Variants in PKHD1L1 observed in about 807,000 individuals in gnomAD.
PKHD1L1 encodes fibrocystin-L.
In PKHD1L1, 434 loss-of-function variants were observed where a neutral mutation model predicts 462.9. The observed-to-expected ratio is 0.94, with a 90% confidence interval of 0.87 to 1.02. PKHD1L1 has a LOEUF of 1.02. PKHD1L1 is among the 50% of genes least tolerant of loss of function. The pLI, the probability that PKHD1L1 is intolerant of heterozygous loss-of-function variation, is 0.00. For synonymous variants in PKHD1L1, 1,781 were observed against 1,750.0 expected (o/e 1.02, Z -0.44); for missense variants, 5,202 against 5,096.1 (o/e 1.02, Z -0.63).
At chr8:109,429,126 T>C (rs974380524) in intron 25 of PKHD1L1, among the ~76,000 whole-genome samples, 1 of 152,184 alleles carries the variant, frequency 6.6e-6, no homozygotes, top group African/African-American at 2.4e-5. Flanking sequence ...CAATGTATGA[T>C]AATGCAATGG....
intron 12 of PKHD1L1, among the ~76,000 whole-genome samples, chr8:109,399,829 A>T (rs1813179067): frequency 6.6e-6 from 1 of 152,138 alleles, no homozygotes; most frequent in Admixed American, 6.6e-5. Context: ...ACCCATGCAA[A>T]TATTATTATT....
In PKHD1L1 at chr8:109,480,285, G is replaced by A. The variant is rs528515624; in HGVS notation, c.9327+146G>A. On this transcript the variant is annotated intron_variant, in intron 55 of 77. Transcript: ENST00000378402. The stretch of plus-strand genomic sequence containing the variant: ...CCCATTAAATGCAAGTCTCAGTTAA[G>A]TCCAATATATTTCTGTTCTCCTTTA... The A allele has an allele frequency of 9.2e-4, 764 of 827,788 alleles. 5 individuals are homozygous for A. The highest frequency in any genetic ancestry group is 3.3e-3 in the Middle Eastern group (9 of 2,728). 51.3% of individuals were successfully genotyped at this position (827,788 alleles called of 1,614,324 possible).
In PKHD1L1 at chr8:109,535,169, T is replaced by C. The variant is rs1821120222; in HGVS notation, c.*5079T>C. On this transcript the variant is annotated 3_prime_UTR_variant, in exon 78 of 78. Transcript: ENST00000378402. ...CACCCAGTTATAGACTGAGTAATTA[T>C]AGTTGCTATGGTAATGGGCTCTGTG... Among the ~76,000 whole-genome samples, 1 of 152,090 alleles carries C rather than the reference T, an allele frequency of 6.6e-6. No homozygotes were observed. The highest frequency in any genetic ancestry group is 2.4e-5 in the African/African-American group (1 of 41,398).
At chr8:109,438,874 T>C (rs547372654) in intron 31 of PKHD1L1, 23 bp from the exon 32 acceptor site, 7 of 1,516,102 alleles carry the variant, frequency 4.6e-6, no homozygotes, top group African/African-American at 1.4e-5. Flanking sequence ...TTTTGCATTA[T>C]TTTTTAAATT....
rs771858832 is a variant in PKHD1L1 at position 109,518,281 on chromosome 8, C to T, written c.11804C>T (p.Ala3935Val). The change falls in exon 73 of 78, where the codon GCC (alanine) becomes GTC (valine). Residue 3935 changes from alanine (A) to valine (V), a missense_variant. Transcript: ENST00000378402. ...ACTATACCTGTTGAAATTCACACTGCCACAGTGATATTTGTTTCTTTCCAA... is the reference window on the plus strand; with the variant it reads ...ACTATACCTGTTGAAATTCACACTGTCACAGTGATATTTGTTTCTTTCCAA... ...KGTIPVEIHT[A>V]TVIFVSFQLS... 6.2e-7 allele frequency: 1 copy of T among 1,611,354 alleles called. No homozygotes were observed. The highest frequency in any genetic ancestry group is 1.7e-5 in the Admixed American group (1 of 59,916).
At chr8:109,438,282 C>T (rs1171641608) in intron 30 of PKHD1L1, 42 bp from the exon 31 acceptor site, 17 of 1,357,410 alleles carry the variant, frequency 1.3e-5, no homozygotes, top group Non-Finnish European at 1.4e-5. Context: ...ATTTCTGTAT[C>T]TCAACAATTA....
chr8:109,370,616 T>A (rs1446343957), intron 2 of PKHD1L1, among the ~76,000 whole-genome samples: 1 of 152,110 alleles, frequency 6.6e-6, no homozygotes, highest in Non-Finnish European at 1.5e-5. Context: ...CATTAACTCG[T>A]CATTTAGCAT....
At chr8:109,510,667 G>C in intron 70 of PKHD1L1, 110 bp from the exon 71 acceptor site, 1 of 1,349,942 alleles carries the variant, frequency 7.4e-7, no homozygotes, top group Non-Finnish European at 1.0e-6. Flanking sequence ...TGCTGAACTT[G>C]CATTTGAACT....
chr8:109,482,988 G>A lies in PKHD1L1; in HGVS notation c.9459G>A (p.Gly3153=). ...EGPNQGAKVL[G]VFGELDLHGI... is the part of the protein sequence containing the mutation. Reference sequence around the variant, plus strand: ...TAGGAGTGTGCTTTTCTTCTTTAGGGGTGTTTGGTGAGCTGGATCTTCATG... The same window carrying A: ...TAGGAGTGTGCTTTTCTTCTTTAGGAGTGTTTGGTGAGCTGGATCTTCATG... The change falls in exon 57 of 78, where the codon GGG becomes GGA. Residue 3153 remains glycine (G), a splice_region_variant and synonymous_variant. Transcript: ENST00000378402. 6.3e-7 allele frequency: 1 copy of A among 1,581,410 alleles called. No individual in the cohort carries two copies. The highest frequency in any genetic ancestry group is 8.6e-7 in the Non-Finnish European group (1 of 1,163,134).
chr8:109,510,498 G>A (rs2844259), intron 70 of PKHD1L1, among the ~76,000 whole-genome samples: 36,066 of 151,956 alleles, frequency 0.24, 4,973 homozygotes, highest in African/African-American at 0.34. Context: ...GTGACCTTCC[G>A]ATACAAATTC....
intron 6 of PKHD1L1, 83 bp downstream of exon 6, chr8:109,385,713 A>C: frequency 1.1e-6 from 1 of 875,880 alleles, no homozygotes. Context: ...AATGATATTA[A>C]ATCCCATTAC....
chr8:109,404,957 T>A (rs1314062494), intron 15 of PKHD1L1, 38 bp from the exon 16 acceptor site: 3 of 1,310,932 alleles, frequency 2.3e-6, no homozygotes, highest in East Asian at 2.6e-5. Flanking sequence ...ATATATATAT[T>A]TTTCATATAT....
intron 61 of PKHD1L1, 46 bp downstream of exon 61, chr8:109,491,147 T>C: frequency 6.4e-7 from 1 of 1,561,220 alleles, no homozygotes; most frequent in Non-Finnish European, 8.8e-7. Context: ...CTGTGGAGGC[T>C]TTCTTATCTA....
chr8:109,377,009 C>T (rs1195258580), intron 2 of PKHD1L1, among the ~76,000 whole-genome samples: 1 of 152,186 alleles, frequency 6.6e-6, no homozygotes, highest in Non-Finnish European at 1.5e-5. Flanking sequence ...CAATGAAGTC[C>T]TGCTTCCAGG....
chr8:109,371,162 C>G (rs1407571654), intron 2 of PKHD1L1, among the ~76,000 whole-genome samples: 1 of 152,162 alleles, frequency 6.6e-6, no homozygotes, highest in Non-Finnish European at 1.5e-5. Context: ...CTCTCCAGCA[C>G]CTGTTGTTTC....
Position 109,464,965 on chromosome 8 carries a change from C to T in PKHD1L1, c.8133C>T (p.Gly2711=). ...TGATTAAAAATGCCAAAATAGTCGG[C>T]CATCTTGATGAACTGGGAATGGGGT... ...GAVIKNAKIV[G]HLDELGMGSA... is the part of the protein sequence containing the mutation. Residue 2711 remains glycine (G), a synonymous_variant, in exon 49 of 78, where the codon GGC becomes GGT. Transcript: ENST00000378402. 1.2e-6 allele frequency: 2 copies of T among 1,613,784 alleles called. No individual in the cohort carries two copies.
chr8:109,525,693 C>T (rs563226488), intron 76 of PKHD1L1, among the ~76,000 whole-genome samples: 7 of 151,956 alleles, frequency 4.6e-5, no homozygotes, highest in African/African-American at 1.5e-4. Flanking sequence ...AAGAACTACC[C>T]TAAATTATTT....
At chr8:109,433,294 A>T in intron 28 of PKHD1L1, 78 bp downstream of exon 28, 1 of 1,152,176 alleles carries the variant, frequency 8.7e-7, no homozygotes, top group East Asian at 2.4e-5. Context: ...TATTACAATT[A>T]TCTTGATCGT....
intron 61 of PKHD1L1, 27 bp downstream of exon 61, chr8:109,491,128 T>G: frequency 6.3e-7 from 1 of 1,592,070 alleles, no homozygotes; most frequent in Non-Finnish European, 8.6e-7. Context: ...TTGGTTCAAA[T>G]TACACATCCT....
Sources: gnomAD v4.1 joint callset for allele counts (sites outside exome capture counted in the v4.1 genomes callset) on GRCh38, gnomAD v4.1.1 for gene constraint, MANE v1.5 for transcripts, NCBI Gene and HGNC (gene_info 2026-07-23, HGNC 2026-07-21) for gene names.